The following ARHGEF28 variants were observed in gnomAD, a reference collection of about 807,000 sequenced individuals.
ARHGEF28 encodes the protein Rho guanine nucleotide exchange factor 28.
In ARHGEF28, 152 loss-of-function variants were observed where a neutral mutation model predicts 206.6. The ratio of observed to expected loss-of-function variants is 0.74; its 90% confidence interval spans 0.64 to 0.84. The LOEUF (loss-of-function observed/expected upper bound fraction) is 0.84, where lower values mean the gene tolerates loss of function less well. Among genes scored for constraint, ARHGEF28 ranks in the 40% least tolerant of loss-of-function variants. The pLI is 0.00. For missense variants in ARHGEF28, 2,028 were observed against 2,073.2 expected (o/e 0.98, Z 0.42); for synonymous variants, 763 against 776.4 (o/e 0.98, Z 0.29).
chr5:73,658,030 C>T (rs989905491), intron 1 of ARHGEF28, among the ~76,000 whole-genome samples: 17 of 151,904 alleles, frequency 1.1e-4, no homozygotes, highest in African/African-American at 2.9e-4. Context: ...CTTGGGAGAG[C>T]GCAACTATGC....
At chr5:73,632,837 C>T (rs73116508) in intron 1 of ARHGEF28, among the ~76,000 whole-genome samples, 4,954 of 152,008 alleles carry the variant, frequency 0.033, 288 homozygotes, top group African/African-American at 0.11. Flanking sequence ...ACCAGGGATT[C>T]GTGTTGTAGA....
At chr5:73,938,110 T>C (rs255588) in intron 35 of ARHGEF28, among the ~76,000 whole-genome samples, 2,710 of 151,832 alleles carry the variant, frequency 0.018, 103 homozygotes, top group East Asian at 0.15. Flanking sequence ...GTGTTTCTCC[T>C]GTATTTTTAT....
At chr5:73,728,003 C>T (rs1011113631) in intron 2 of ARHGEF28, among the ~76,000 whole-genome samples, 2 of 152,204 alleles carry the variant, frequency 1.3e-5, no homozygotes, top group African/African-American at 4.8e-5. Flanking sequence ...ATCTGGTCCT[C>T]TTGCATCCTG....
chr5:73,655,689 G>A (rs1420116690), intron 1 of ARHGEF28, among the ~76,000 whole-genome samples: 3 of 152,170 alleles, frequency 2.0e-5, no homozygotes, highest in Admixed American at 6.5e-5. Flanking sequence ...ACCAAGTCAC[G>A]AGGCACAGCA....
At chr5:73,741,375 GTGTGTGTGTGTATATATATATATA>G (rs1751386961) in intron 2 of ARHGEF28, among the ~76,000 whole-genome samples, 1 of 63,822 alleles carries the variant, frequency 1.6e-5, no homozygotes, top group African/African-American at 5.2e-5. Flanking sequence ...GTGTGTGTGT[GTGTGTGTGTGTATATATATATATA>G]TATATATATA....
chr5:73,740,054 G>A (rs989978307), intron 2 of ARHGEF28, among the ~76,000 whole-genome samples: 2 of 149,062 alleles, frequency 1.3e-5, no homozygotes, highest in Non-Finnish European at 3.0e-5. Context: ...GGTGGTGCCT[G>A]CAGTCCTAGC....
rs112764495 is a variant in ARHGEF28, at chr5:73,858,384, T to A, written c.2047+165T>A. 2.5e-3 allele frequency among the ~76,000 whole-genome samples: 377 copies of A among 150,836 alleles called. 1 individual carries two copies. The highest frequency in any genetic ancestry group is 8.5e-3 in the African/African-American group (346 of 40,820). On this transcript the variant is annotated intron_variant, in intron 16 of 35. Transcript: ENST00000513042. ...GATACTGGTTAGAGTCAGTGTGTTT[T>A]GTCCATAACTGATAGCCTGTCTGAA... is the stretch of plus-strand genomic sequence containing the variant.
chr5:73,654,734 C>A (rs1561311618), intron 1 of ARHGEF28, among the ~76,000 whole-genome samples: 1 of 152,222 alleles, frequency 6.6e-6, no homozygotes, highest in East Asian at 1.9e-4. Context: ...TCATCTCTTT[C>A]ATCCAGATAC....
intron 1 of ARHGEF28, among the ~76,000 whole-genome samples, chr5:73,645,764 T>G (rs1183546325): frequency 6.6e-6 from 1 of 152,188 alleles, no homozygotes; most frequent in Non-Finnish European, 1.5e-5. Flanking sequence ...TCTTGTGCAT[T>G]TCTATTTTCC....
intron 35 of ARHGEF28, chr5:73,923,308 T>C (rs972927574): frequency 2.7e-6 from 2 of 732,270 alleles, no homozygotes; most frequent in Non-Finnish European, 2.1e-6. Flanking sequence ...ATACTAAATT[T>C]GTCTTTATGA....
chr5:73,735,117 A>G (rs17664695), intron 2 of ARHGEF28, among the ~76,000 whole-genome samples: 11,130 of 152,074 alleles, frequency 0.073, 517 homozygotes, highest in African/African-American at 0.12. Context: ...TGTTTCTTCA[A>G]TGAACAATAC....
intron 13 of ARHGEF28, among the ~76,000 whole-genome samples, chr5:73,850,145 A>G (rs1316582086): frequency 6.6e-6 from 1 of 150,500 alleles, no homozygotes; most frequent in Admixed American, 6.7e-5. Context: ...TGGTGCTTGA[A>G]ACAGCTATCC....
intron 1 of ARHGEF28, among the ~76,000 whole-genome samples, chr5:73,638,319 G>A (rs1743856944): frequency 1.3e-5 from 2 of 152,080 alleles, no homozygotes; most frequent in Admixed American, 1.3e-4. Flanking sequence ...TCTTAACTTT[G>A]TATGGAAAAA....
At chr5:73,684,776 G>A in intron 1 of ARHGEF28, 65 bp from the exon 2 acceptor site, 1 of 1,422,184 alleles carries the variant, frequency 7.0e-7, no homozygotes, top group Non-Finnish European at 9.8e-7. Flanking sequence ...TAACTGGAGA[G>A]CTCTGCTGGT....
At chr5:73,729,935 T>A (rs1449797072) in intron 2 of ARHGEF28, among the ~76,000 whole-genome samples, 2 of 152,180 alleles carry the variant, frequency 1.3e-5, no homozygotes, top group Non-Finnish European at 2.9e-5. Flanking sequence ...ACCTTCCAAT[T>A]TGTACTATCT....
chr5:73,869,241 G>T (rs1453014054), intron 20 of ARHGEF28, among the ~76,000 whole-genome samples: 3 of 149,220 alleles, frequency 2.0e-5, no homozygotes, highest in Admixed American at 6.7e-5. Flanking sequence ...GTGGGGAAGG[G>T]CATGTATGTA....
At chr5:73,633,607 C>T (rs1467860695) in intron 1 of ARHGEF28, among the ~76,000 whole-genome samples, 4 of 129,120 alleles carry the variant, frequency 3.1e-5, no homozygotes, top group East Asian at 2.2e-4. Context: ...GACAGAGTCT[C>T]GTTCCATCAC....
In ARHGEF28 at chr5:73,779,340, C is replaced by T. The variant is rs569860350; in HGVS notation, c.841-1336C>T. On this transcript the variant is annotated intron_variant, in intron 6 of 35. Transcript: ENST00000513042. ...TCCAAATGCTGATAATTTCACTCCA[C>T]AGCTTGGCTAAAATTAATAAGCAGC... Among the ~76,000 whole-genome samples the T allele has an allele frequency of 4.7e-4, 71 of 152,194 alleles. 1 individual carries two copies. Among genetic ancestry groups the T allele is most frequent in the Non-Finnish European group, 2.4e-4 (16 of 68,034 alleles).
intron 35 of ARHGEF28, among the ~76,000 whole-genome samples, chr5:73,929,076 T>C (rs922264312): frequency 4.2e-4 from 64 of 152,334 alleles, no homozygotes; most frequent in African/African-American, 1.4e-3. Flanking sequence ...AAGTTCCTAC[T>C]TCTTAACAGA....
Sources: gnomAD v4.1 joint callset for allele counts (sites outside exome capture counted in the v4.1 genomes callset) on GRCh38, gnomAD v4.1.1 for gene constraint, MANE v1.5 for transcripts, NCBI Gene and HGNC (gene_info 2026-07-23, HGNC 2026-07-21) for gene names.